Variants in CD99L2 observed in about 807,000 individuals in gnomAD.
The protein encoded by CD99L2 is CD99 antigen-like protein 2.
In CD99L2, 24 loss-of-function variants were observed where a neutral mutation model predicts 27.3. That is an observed-to-expected ratio of 0.88 (90% CI 0.64 to 1.24). The LOEUF is 1.24. Among genes scored for constraint, CD99L2 ranks in the 50% most tolerant of loss-of-function variants. CD99L2 has a pLI of 0.00. For synonymous variants in CD99L2, 97 were observed against 87.9 expected (o/e 1.10, Z -0.58); for missense variants, 255 against 221.6 (o/e 1.15, Z -0.96).
At chrX:150,780,565 T>C (rs185965264) in intron 7 of CD99L2, among the ~76,000 whole-genome samples, 12 of 111,618 alleles carry the variant, frequency 1.1e-4, no homozygotes, top group African/African-American at 3.3e-4. Flanking sequence ...GATGAATGAA[T>C]GAATAAAATG....
At chrX:150,833,231 G>A (rs898648752) in intron 1 of CD99L2, among the ~76,000 whole-genome samples, 4 of 110,818 alleles carry the variant, frequency 3.6e-5, no homozygotes, top group Non-Finnish European at 7.6e-5. Context: ...AGAAAATACT[G>A]AGTAGCAAAC....
intron 1 of CD99L2, among the ~76,000 whole-genome samples, chrX:150,856,127 A>G (rs1331699638): frequency 8.9e-6 from 1 of 112,862 alleles, no homozygotes; most frequent in African/African-American, 3.2e-5. Flanking sequence ...GGCATCTGCC[A>G]TTTCCTGGGT....
intron 2 of CD99L2, 34 bp from the exon 3 acceptor site, chrX:150,816,112 C>T (rs373938236): frequency 5.1e-5 from 59 of 1,159,418 alleles, no homozygotes; most frequent in East Asian, 3.0e-4. Context: ...AAGGGGAGCA[C>T]GTTTAGTAAC....
At chrX:150,853,878 A>G (rs1281261498) in intron 1 of CD99L2, among the ~76,000 whole-genome samples, 1 of 112,011 alleles carries the variant, frequency 8.9e-6, no homozygotes, top group Admixed American at 9.5e-5. Context: ...ATGAAGGTCC[A>G]ATCCCAGAGA....
intron 8 of CD99L2, 156 bp downstream of exon 8, chrX:150,777,288 C>A: frequency 1.6e-6 from 1 of 632,842 alleles, no homozygotes; most frequent in Non-Finnish European, 2.4e-6. Context: ...CAGCTTTTTC[C>A]ATCTTTGCAG....
At chrX:150,898,070 C>G (rs1378962601) in intron 1 of CD99L2, among the ~76,000 whole-genome samples, 3 of 49,992 alleles carry the variant, frequency 6.0e-5, no homozygotes, top group Non-Finnish European at 1.0e-4. Flanking sequence ...CCCCCCCCCC[C>G]CCACAGCCCA....
rs1172110978 is a variant in CD99L2 at position 150,898,664 on chromosome X, G to T, written c.-76C>A. The stretch of plus-strand genomic sequence containing the variant: ...CCCGAAGGGGAGGCCGAGGAGGAGC[G>T]GGAGGAGGAGCCCCGCCGCCTCTGC... On this transcript the variant is annotated 5_prime_UTR_variant, in exon 1 of 11. Transcript: ENST00000370377. 4.3e-6 allele frequency: 4 copies of T among 938,455 alleles called. No individual in the cohort carries two copies. In the African/African-American group the frequency reaches 8.5e-5, roughly 20 times the overall value. The allele number at this position is 938,455 out of a possible 1,213,427, so 77.3% of individuals were successfully genotyped here. A position where few individuals can be genotyped will look rare whatever the true frequency, so the allele number is the denominator to read the frequency against.
At chrX:150,895,236 T>A (rs2047587627) in intron 1 of CD99L2, among the ~76,000 whole-genome samples, 1 of 111,233 alleles carries the variant, frequency 9.0e-6, no homozygotes, top group Non-Finnish European at 1.9e-5. Context: ...CCCATCCACA[T>A]CACTGACAGT....
At chrX:150,796,383 A>G (rs2045797444) in intron 4 of CD99L2, among the ~76,000 whole-genome samples, 1 of 112,460 alleles carries the variant, frequency 8.9e-6, no homozygotes. Context: ...TCATAACCCA[A>G]CAGTTCTCAG....
Position 150,824,437 on chromosome X carries a change from A to AAAGAAGAAAGAAG in CD99L2, c.130+6781_130+6793dup, listed in dbSNP as rs1216051098. On this transcript the variant is annotated intron_variant, in intron 2 of 10. Transcript: ENST00000370377. ...AAGAAGAAGAAAAGAGAAGAAGAAG[A>AAAGAAGAAAGAAG]AAGAAGAAAGAAGAAGAAGAAAGAA... is the stretch of plus-strand genomic sequence containing the variant. Among the ~76,000 whole-genome samples the AAAGAAGAAAGAAG allele has an allele frequency of 1.5e-3, 122 of 83,919 alleles. 4 individuals carry two copies. In the East Asian group the frequency reaches 0.031, roughly 21 times the overall value. 72.9% of individuals were successfully genotyped at this position (83,919 alleles called of 115,157 possible).
At chrX:150,770,691 T>C (rs1557419015) in intron 9 of CD99L2, among the ~76,000 whole-genome samples, 2 of 113,004 alleles carry the variant, frequency 1.8e-5, no homozygotes, top group Non-Finnish European at 3.8e-5. Flanking sequence ...GGGCGCCCGA[T>C]GGCAGGGCTC....
At chrX:150,861,699 G>A (rs1379819174) in intron 1 of CD99L2, among the ~76,000 whole-genome samples, 9 of 110,016 alleles carry the variant, frequency 8.2e-5, no homozygotes, top group Admixed American at 1.9e-4. Context: ...TCAGGAGTTC[G>A]AGACCAGCCT....
intron 8 of CD99L2, chrX:150,777,174 C>T: frequency 2.5e-6 from 1 of 402,884 alleles, no homozygotes; most frequent in Non-Finnish European, 4.3e-6. Flanking sequence ...TAAAGATCAG[C>T]TATCAGTTTG....
At chrX:150,802,742 C>G (rs1362880882) in intron 4 of CD99L2, among the ~76,000 whole-genome samples, 4 of 104,217 alleles carry the variant, frequency 3.8e-5, no homozygotes, top group South Asian at 4.5e-4. Flanking sequence ...CCACCACGCC[C>G]AGCTAATTTT....
chrX:150,777,559 G>A, intron 7 of CD99L2, 77 bp from the exon 8 acceptor site: 2 of 1,036,224 alleles, frequency 1.9e-6, no homozygotes, highest in South Asian at 2.0e-5. Context: ...CGAGACGGAT[G>A]GCAGTGCTGG....
intron 1 of CD99L2, among the ~76,000 whole-genome samples, chrX:150,897,372 G>C (rs1557423108): frequency 8.9e-6 from 1 of 112,816 alleles, no homozygotes; most frequent in African/African-American, 3.2e-5. Flanking sequence ...TCTGCAGAAT[G>C]TTAAATGGCT....
chrX:150,822,535 T>C (rs1278600047), intron 2 of CD99L2, among the ~76,000 whole-genome samples: 4 of 112,053 alleles, frequency 3.6e-5, no homozygotes, highest in African/African-American at 6.5e-5. Context: ...GTAGCAGATA[T>C]GTAAGATGAA....
intron 1 of CD99L2, among the ~76,000 whole-genome samples, chrX:150,849,328 G>A (rs189431311): frequency 1.1e-3 from 123 of 111,511 alleles, no homozygotes; most frequent in Non-Finnish European, 1.9e-3. Flanking sequence ...AAGGCAGGAT[G>A]ATTGCTTGAG....
intron 6 of CD99L2, among the ~76,000 whole-genome samples, chrX:150,794,769 C>T (rs2045763166): frequency 1.8e-5 from 2 of 111,770 alleles, no homozygotes; most frequent in South Asian, 7.6e-4. Flanking sequence ...ACCAAAACAA[C>T]ATCTCACGAT....
Sources: gnomAD v4.1 joint callset for allele counts (sites outside exome capture counted in the v4.1 genomes callset) on GRCh38, gnomAD v4.1.1 for gene constraint, MANE v1.5 for transcripts, NCBI Gene and HGNC (gene_info 2026-07-23, HGNC 2026-07-21) for gene names.